The following ORC1 variants were observed in gnomAD, a reference collection of about 807,000 sequenced individuals.
ORC1 encodes the protein origin recognition complex subunit 1, also known as origin recognition complex, subunit 1 homolog.
A neutral mutation model predicts 98.9 loss-of-function variants in ORC1; 61 were observed. The ratio of observed to expected loss-of-function variants is 0.62; its 90% CI spans 0.50 to 0.76. ORC1 has a LOEUF of 0.76. ORC1 is among the 30% of genes least tolerant of loss of function. ORC1 has a pLI of 0.00. For missense variants in ORC1, 979 were observed against 1,072.2 expected (o/e 0.91, Z 1.21); for synonymous variants, 385 against 406.9 (o/e 0.95, Z 0.65).
chr1:52,405,581 T>TG, upstream of ORC1: 2 of 1,033,200 alleles, frequency 1.9e-6, no homozygotes, highest in Non-Finnish European at 2.9e-6. Context: ...AATATTACAC[T>TG]GTTGATGTAT....
In ORC1 at chr1:52,385,120, C is replaced by T. The variant is rs1193346310; in HGVS notation, c.1583+41G>A. ...ACCCAAGGCATTCCACTAGCAGGGG[C>T]CTTATTCCCCAAACTACCCTGCCTG... On this transcript the variant is annotated intron_variant, in intron 10 of 16. Transcript: ENST00000371568. The T allele has an allele frequency of 2.5e-6, 3 of 1,218,562 alleles. No homozygotes were observed. The African/African-American group carries it at 4.5e-5, about 18-fold the overall frequency. 75.5% of individuals were successfully genotyped at this position (1,218,562 alleles called of 1,614,324 possible).
At chr1:52,401,151 A>G (rs760558366) in intron 3 of ORC1, among the ~76,000 whole-genome samples, 28 of 152,102 alleles carry the variant, frequency 1.8e-4, no homozygotes, top group Middle Eastern at 3.4e-3. Flanking sequence ...TGAAAAAGTT[A>G]AATTATTGAG....
rs770081039 is a variant in ORC1 at position 52,375,575 on chromosome 1, G to A, written c.2158C>T (p.Arg720Ter). 5 of 1,613,916 alleles carry A rather than the reference G, an allele frequency of 3.1e-6. No homozygotes were observed. Among genetic ancestry groups the A allele is most frequent in the African/African-American group, 1.3e-5 (1 of 74,928 alleles). Reference sequence around the variant, plus strand: ...CGCCTGCAGATGTCCAGGCACCGTCGTGCATCTCCAGACAGTGCTGCTACC... The same window carrying A: ...CGCCTGCAGATGTCCAGGCACCGTCATGCATCTCCAGACAGTGCTGCTACC... ...RKVAALSGDA[R>*]RCLDICRRAT... The change falls in exon 15 of 17, where the codon CGA becomes TGA. Residue 720 changes from arginine to a stop codon, truncating the protein, a stop_gained. Coordinates refer to ENST00000371568, the MANE Select transcript of ORC1 (RefSeq NM_004153.4). LOFTEE classifies it high-confidence loss of function.
In ORC1 at chr1:52,393,729, C is replaced by A; in HGVS notation, c.796G>T (p.Val266Leu). ...LDSPGRIKRK[V>L]AFSEITSPSK... ...GGTGAGGTGATCTCCGAGAAGGCCA[C>A]TTTCCGTTTTATTCTTCCTGGAGAA... Residue 266 changes from valine to leucine, a missense_variant, in exon 6 of 17, where the codon GTG (valine) becomes TTG (leucine). Val to Leu is a conservative substitution (Grantham distance 32, BLOSUM62 1). Coordinates refer to ENST00000371568, the MANE Select transcript of ORC1 (RefSeq NM_004153.4). 6.2e-7 allele frequency: 1 copy of A among 1,614,044 alleles called. No homozygotes were observed. The highest frequency in any genetic ancestry group is 8.5e-7 in the Non-Finnish European group (1 of 1,180,014).
intron 5 of ORC1, among the ~76,000 whole-genome samples, chr1:52,394,093 A>G (rs1647292791): frequency 6.6e-6 from 1 of 152,202 alleles, no homozygotes; most frequent in African/African-American, 2.4e-5. Flanking sequence ...GAAATAACCT[A>G]TCAGAACAGT....
In ORC1 at chr1:52,396,318, T is replaced by C. The variant is rs369677056; in HGVS notation, c.449A>G (p.Asn150Ser). The change falls in exon 5 of 17, where the codon AAT becomes AGT. Residue 150 changes from asparagine (N) to serine (S), a missense_variant. Coordinates refer to ENST00000371568, the MANE Select transcript of ORC1 (RefSeq NM_004153.4). ...TAGTTTCACAAAGAGTGTCTTCTCA[T>C]TTTTCAGATTCGTCGGTACCACATC... ...PKDVVPTNLK[N>S]EKTLFVKLSW... 1.2e-6 allele frequency: 2 copies of C among 1,614,180 alleles called. No homozygotes were observed. The highest frequency in any genetic ancestry group is 2.2e-5 in the South Asian group (2 of 91,088).
At chr1:52,394,902 G>A (rs1270439401) in intron 5 of ORC1, among the ~76,000 whole-genome samples, 2 of 152,136 alleles carry the variant, frequency 1.3e-5, no homozygotes, top group Admixed American at 1.3e-4. Context: ...CACCCGCCTC[G>A]GCCTCCAAAA....
In ORC1 at chr1:52,393,498, GT is replaced by G. The variant is rs1647269023; in HGVS notation, c.1026del (p.Gln343ArgfsTer9). On this transcript the variant is annotated frameshift_variant, in exon 6 of 17. Transcript: ENST00000371568. LOFTEE classifies it high-confidence loss of function. ...ACGGATGGCACCACTGAAGATCTCT[GT>G]CCCCCACTGATAGGGGTAAGTGTTC... ...EERTLTPISG[G>X]QRSSVVPSVI... 1 of 1,614,154 alleles carries G rather than the reference GT, an allele frequency of 6.2e-7. No individual in the cohort carries two copies. The highest frequency in any genetic ancestry group is 8.5e-7 in the Non-Finnish European group (1 of 1,180,026).
At chr1:52,393,034 G>A (rs115201666) in intron 6 of ORC1, among the ~76,000 whole-genome samples, 2,560 of 152,228 alleles carry the variant, frequency 0.017, 33 homozygotes, top group Non-Finnish European at 0.028. Context: ...AAGACCACCT[G>A]TTCCCCAAAA....
At chr1:52,382,705 G>A (rs925521624) in intron 13 of ORC1, among the ~76,000 whole-genome samples, 4 of 148,038 alleles carry the variant, frequency 2.7e-5, no homozygotes, top group Admixed American at 6.9e-5. Flanking sequence ...TCAGCCTCCC[G>A]AGTAGCTGGG....
intron 6 of ORC1, among the ~76,000 whole-genome samples, chr1:52,392,838 T>C (rs188341235): frequency 1.8e-4 from 28 of 152,300 alleles, no homozygotes; most frequent in Admixed American, 1.6e-3. Context: ...TTCTCACTTA[T>C]AAGTGGGAGC....
rs1184543870 is a variant in ORC1 at position 52,397,760 on chromosome 1, T to C, written c.327A>G (p.Ala109=). Residue 109 remains alanine, a synonymous_variant, in exon 4 of 17, where the codon GCA becomes GCG. Coordinates refer to ENST00000371568, the MANE Select transcript of ORC1 (RefSeq NM_004153.4). ...GGTAATCATACCAGAATATTTCCTG[T>C]GCACCAGGCTTCCGGCCCAACAAAT... is the stretch of plus-strand genomic sequence containing the variant. The part of the protein sequence containing the change: ...KRHLLGRKPG[A]QEIFWYDYPA... 1.9e-6 allele frequency: 3 copies of C among 1,614,200 alleles called. No homozygotes were observed. Among genetic ancestry groups the C allele is most frequent in the East Asian group, 2.2e-5 (1 of 44,882 alleles).
intron 8 of ORC1, 46 bp downstream of exon 8, chr1:52,388,396 T>G: frequency 6.7e-7 from 1 of 1,501,732 alleles, no homozygotes; most frequent in Non-Finnish European, 9.3e-7. Context: ...ACTTTTAAAC[T>G]AAGAGAGGGA....
intron 10 of ORC1, 94 bp downstream of exon 10, chr1:52,385,067 G>A (rs772973377): frequency 7.0e-6 from 6 of 855,000 alleles, no homozygotes; most frequent in Non-Finnish European, 1.2e-5. Flanking sequence ...GCTGATACTG[G>A]AGAAAGCCTG....
rs773983408 is a variant in ORC1 at position 52,393,511 on chromosome 1, A to G, written c.1014T>C (p.Pro338=). The G allele has an allele frequency of 1.9e-6, 3 of 1,614,048 alleles. No individual in the cohort carries two copies. In the East Asian group the frequency reaches 6.7e-5, roughly 36 times the overall value. Residue 338 remains proline, a synonymous_variant, in exon 6 of 17, where the codon CCT becomes CCC. Coordinates refer to ENST00000371568, the MANE Select transcript of ORC1 (RefSeq NM_004153.4). ...IDIREERTLT[P]ISGGQRSSVV... is the part of the protein sequence containing the mutation. ...CTGAAGATCTCTGTCCCCCACTGAT[A>G]GGGGTAAGTGTTCTCTCCTCTCTAA...
chr1:52,376,043 C>T (rs188472626), intron 14 of ORC1, among the ~76,000 whole-genome samples: 10 of 152,240 alleles, frequency 6.6e-5, no homozygotes, highest in East Asian at 3.9e-4. Context: ...AATTTGGGGT[C>T]GGCTTGGTCA....
intron 6 of ORC1, 109 bp downstream of exon 6, chr1:52,393,334 C>T: frequency 6.8e-7 from 1 of 1,461,910 alleles, no homozygotes; most frequent in Non-Finnish European, 9.5e-7. Context: ...CCCAATACTT[C>T]TGTGACATAG....
At position 52,381,788 on chromosome 1, in the gene ORC1, AAGTT is replaced by A. The variant is rs536987051; in HGVS notation, c.2014-31_2014-28del. The A allele has an allele frequency of 1.6e-4, 257 of 1,610,860 alleles. 1 individual carries two copies. Among genetic ancestry groups the A allele is most frequent in the Admixed American group, 1.2e-3 (71 of 59,904 alleles). On this transcript the variant is annotated intron_variant, in intron 13 of 16. Transcript: ENST00000371568. ...TGGGGAGCCAAAATGACAGAGGAAT[AAGTT>A]GGTTGACTGCCCAGTGATTATCCAG...
intron 1 of ORC1, among the ~76,000 whole-genome samples, chr1:52,403,701 C>T (rs1647842848): frequency 6.6e-6 from 1 of 152,172 alleles, no homozygotes; most frequent in African/African-American, 2.4e-5. Context: ...GGCCACCAGA[C>T]TTCTCTTCTG....
Sources: allele counts gnomAD v4.1 joint callset (sites outside exome capture counted in the v4.1 genomes callset), GRCh38; gene constraint gnomAD v4.1.1; transcripts MANE v1.5; gene names NCBI Gene and HGNC (gene_info 2026-07-23, HGNC 2026-07-21).